The following KDM6B variants were observed in gnomAD, a reference collection of about 807,000 sequenced individuals.
KDM6B encodes lysine-specific demethylase 6B.
In KDM6B, 22 loss-of-function variants were observed where a neutral mutation model predicts 150.4. The ratio of observed to expected loss-of-function variants is 0.15; its 90% CI spans 0.10 to 0.21. The LOEUF is 0.21. KDM6B is among the 10% of genes least tolerant of loss of function. The probability of loss-of-function intolerance (pLI) is 1.00; values close to 1 mark genes in which losing one functional copy is unlikely to be tolerated. For missense variants in KDM6B, 1,984 were observed against 2,234.3 expected, an observed-to-expected ratio of 0.89 and a Z score of 2.26; for synonymous variants, 1,148 against 921.1, an observed-to-expected ratio of 1.25 and a Z score of -4.46.
chr17:7,848,339 A>C lies in KDM6B; in HGVS notation c.2051A>C (p.Glu684Ala). The C allele has an allele frequency of 6.2e-7, 1 of 1,612,646 alleles. No homozygotes were observed. The highest frequency in any genetic ancestry group is 8.5e-7 in the Non-Finnish European group (1 of 1,179,982). ...PPTPLEDQFE[E>A]PAEFKILPDG... Reference sequence around the variant, plus strand: ...ACTCCGCTGGAGGACCAGTTTGAGGAGCCAGCCGAATTCAAGATCCTACCT... The same window carrying C: ...ACTCCGCTGGAGGACCAGTTTGAGGCGCCAGCCGAATTCAAGATCCTACCT... Residue 684 changes from glutamate to alanine, a missense_variant, in exon 12 of 24, where the codon GAG (glutamate) becomes GCG (alanine). Physicochemically the swap from Glu to Ala is moderately radical, Grantham distance 107. Coordinates refer to ENST00000448097, the MANE Select transcript of KDM6B (RefSeq NM_001348716.2).
In KDM6B at chr17:7,845,426, C is replaced by A. The variant is rs878906139; in HGVS notation, c.-36C>A. The A allele has an allele frequency of 1.1e-4, 137 of 1,202,328 alleles. 4 individuals carry two copies. In the South Asian group the frequency reaches 1.5e-3, roughly 13 times the overall value. The allele number at this position is 1,202,328 out of a possible 1,614,324, so 74.5% of individuals were successfully genotyped here. ...GCTGGGGCAGGGGGCCGTGCCCAAT[C>A]TCCAGGGCTCCTGGGGCCACTGCTG... On this transcript the variant is annotated 5_prime_UTR_variant, in exon 4 of 24. Coordinates refer to ENST00000448097, the MANE Select transcript of KDM6B (RefSeq NM_001348716.2).
chr17:7,848,886 C>T lies in KDM6B; in HGVS notation c.2598C>T (p.Ser866=). 1 of 1,608,092 alleles carries T rather than the reference C, an allele frequency of 6.2e-7. No individual in the cohort carries two copies. ...AGGGCTCCCCACAGCCCTCTGCTTC[C>T]TCGTCATCTCAGTTCTCTACCTCAG... ...SAQGSPQPSA[S]SSSQFSTSGG... The change falls in exon 12 of 24, where the codon TCC becomes TCT. Residue 866 remains serine (S), a synonymous_variant. Coordinates refer to ENST00000448097, the MANE Select transcript of KDM6B (RefSeq NM_001348716.2).
In KDM6B at chr17:7,847,704, C is replaced by G; in HGVS notation, c.1416C>G (p.Pro472=). 1.4e-6 allele frequency: 2 copies of G among 1,474,542 alleles called. No individual in the cohort carries two copies. Among genetic ancestry groups the G allele is most frequent in the Non-Finnish European group, 1.8e-6 (2 of 1,097,006 alleles). The allele number at this position is 1,474,542 out of a possible 1,614,324, so 91.3% of individuals were successfully genotyped here. Residue 472 remains proline, a synonymous_variant, in exon 12 of 24, where the codon CCC becomes CCG. Transcript: ENST00000448097. ...PPGPSSPPPP[P]CPRLLRPPPP... The stretch of plus-strand genomic sequence containing the variant: ...GACCTTCCTCACCCCCTCCACCCCC[C>G]TGTCCCCGCCTCTTACGCCCCCCAC...
In KDM6B at chr17:7,848,199, C is replaced by T. The variant is rs570509978; in HGVS notation, c.1911C>T (p.Thr637=). Residue 637 remains threonine (T), a synonymous_variant, in exon 12 of 24, where the codon ACC becomes ACT. Transcript: ENST00000448097. The stretch of plus-strand genomic sequence containing the variant: ...GGCCCAGGGTCTCCTTCCCAAAGAC[C>T]CCCGAGGTGGGGCCGGGGCCACCCC... ...SPRPRVSFPK[T]PEVGPGPPPG... 7 of 1,611,780 alleles carry T rather than the reference C, an allele frequency of 4.3e-6. No individual in the cohort carries two copies. Among genetic ancestry groups the T allele is most frequent in the South Asian group, 1.1e-5 (1 of 91,078 alleles).
Position 7,847,763 on chromosome 17 carries a change from G to A in KDM6B, c.1475G>A (p.Arg492Gln), listed in dbSNP as rs759677374. ...PPAWLKGPAC[R>Q]AAREDGEILE... ...GCCTGGTTGAAGGGTCCGGCCTGCC[G>A]GGCAGCCCGAGAGGATGGAGAGATC... is the stretch of plus-strand genomic sequence containing the variant. The change falls in exon 12 of 24, where the codon CGG (arginine) becomes CAG (glutamine). Residue 492 changes from arginine (R) to glutamine (Q), a missense_variant. Around this residue, in one of 13 missense-constraint regions of KDM6B, gnomAD observed 1,379 missense variants for 1,275.6 expected, o/e 1.08. Coordinates refer to ENST00000448097, the MANE Select transcript of KDM6B (RefSeq NM_001348716.2). 9.2e-6 allele frequency: 14 copies of A among 1,515,200 alleles called. No homozygotes were observed. In the South Asian group the frequency reaches 1.3e-4, roughly 14 times the overall value. The allele number at this position is 1,515,200 out of a possible 1,614,324, so 93.9% of individuals were successfully genotyped here. A position where few individuals can be genotyped will look rare whatever the true frequency, so the allele number is the denominator to read the frequency against.
chr17:7,842,979 A>G (rs2151373103), intron 2 of KDM6B, among the ~76,000 whole-genome samples: 1 of 152,164 alleles, frequency 6.6e-6, no homozygotes, highest in Admixed American at 6.6e-5. Flanking sequence ...TTTGTCTTCA[A>G]GTGAGGGCTT....
At chr17:7,851,849 G>T in intron 18 of KDM6B, 53 bp downstream of exon 18, 1 of 1,565,230 alleles carries the variant, frequency 6.4e-7, no homozygotes, top group Non-Finnish European at 8.7e-7. Context: ...GGAGGGGCTG[G>T]CGGCGGCGCT....
chr17:7,852,108 C>T lies in KDM6B; in HGVS notation c.4281-41C>T, dbSNP rs917789615. 2.5e-6 allele frequency: 4 copies of T among 1,613,734 alleles called. No homozygotes were observed. In the African/African-American group the frequency reaches 4.0e-5, roughly 16 times the overall value. ...CAAGTCAGACTGCCGCGTCCCCGCC[C>T]TCGGTCCCCAGTTCCCACCTGACCT... On this transcript the variant is annotated intron_variant, in intron 19 of 23. Transcript: ENST00000448097.
intron 7 of KDM6B, 29 bp from the exon 8 acceptor site, chr17:7,846,371 G>GGGGGGGGGGCGGGGGGCCCCCCCCCC: frequency 6.7e-7 from 1 of 1,488,926 alleles, no homozygotes; most frequent in Non-Finnish European, 9.2e-7. Context: ...CCTGACATCT[G>GGGGGGGGGGCGGGGGGCCCCCCCCCC]CCCCTGCCCC....
Position 7,843,073 on chromosome 17 carries a change from G to A in KDM6B, c.-268-1828G>A, listed in dbSNP as rs2078450846. Among the ~76,000 whole-genome samples, 1 of 152,196 alleles carries A rather than the reference G, an allele frequency of 6.6e-6. No individual in the cohort carries two copies. Among genetic ancestry groups the A allele is most frequent in the African/African-American group, 2.4e-5 (1 of 41,438 alleles). On this transcript the variant is annotated intron_variant, in intron 2 of 23. Coordinates refer to ENST00000448097, the MANE Select transcript of KDM6B (RefSeq NM_001348716.2). This position sits in a 1 kb window ranked among gnomAD's most constrained non-coding sequence, Gnocchi z 4.5. The stretch of plus-strand genomic sequence containing the variant: ...GAGGGACGGCACTCACTGACTTAGG[G>A]AAAGCTGAGTCAGTTCCCCGTGGGA...
In KDM6B at chr17:7,848,186, C is replaced by T. The variant is rs552086970; in HGVS notation, c.1898C>T (p.Ser633Phe). The T allele has an allele frequency of 3.7e-6, 6 of 1,612,446 alleles. No individual in the cohort carries two copies. Among genetic ancestry groups the T allele is most frequent in the African/African-American group, 2.7e-5 (2 of 75,006 alleles). ...CCGGAGAGCCCCCGGCCCAGGGTCTCCTTCCCAAAGACCCCCGAGGTGGGG... is the reference window on the plus strand; with the variant it reads ...CCGGAGAGCCCCCGGCCCAGGGTCTTCTTCCCAAAGACCCCCGAGGTGGGG... ...RRPESPRPRVSFPKTPEVGPG... is the reference protein window; with the variant it reads ...RRPESPRPRVFFPKTPEVGPG... The change falls in exon 12 of 24, where the codon TCC (serine) becomes TTC (phenylalanine). Residue 633 changes from serine to phenylalanine, a missense_variant. Transcript: ENST00000448097.
At position 7,849,194 on chromosome 17, in the gene KDM6B, C is replaced by T; in HGVS notation, c.2906C>T (p.Ser969Leu). 1 of 1,605,202 alleles carries T rather than the reference C, an allele frequency of 6.2e-7. No homozygotes were observed. The highest frequency in any genetic ancestry group is 1.3e-5 in the African/African-American group (1 of 74,822). ...GAGGCTGGCGGGGTGGCGGCAGTGT[C>T]AGGCAGCTGTAAGCGGCGACAGAAG... ...KEEAGGVAAV[S>L]GSCKRRQKEH... The change falls in exon 12 of 24, where the codon TCA becomes TTA. Residue 969 changes from serine to leucine, a missense_variant. By Grantham distance (145) the Ser-to-Leu change is moderately radical. Coordinates refer to ENST00000448097, the MANE Select transcript of KDM6B (RefSeq NM_001348716.2).
chr17:7,842,867 G>A (rs2078445963), intron 2 of KDM6B, among the ~76,000 whole-genome samples: 1 of 152,120 alleles, frequency 6.6e-6, no homozygotes, highest in East Asian at 1.9e-4. Context: ...CTTTGTACGG[G>A]GGGCGGGGGG....
rs1040511706 is a variant in KDM6B, at chr17:7,854,741, T to C, written c.*1220T>C. 6 of 270,914 alleles carry C rather than the reference T, an allele frequency of 2.2e-5. No homozygotes were observed. In the South Asian group the frequency reaches 2.7e-4, roughly 12 times the overall value. 16.8% of individuals were successfully genotyped at this position (270,914 alleles called of 1,614,324 possible). A position where few individuals can be genotyped will look rare whatever the true frequency, so the allele number is the denominator to read the frequency against. On this transcript the variant is annotated 3_prime_UTR_variant, in exon 24 of 24. Transcript: ENST00000448097. ...AGGGGTCTTCCCAACCCTACCCCTA[T>C]TTTCGGTGATTTTTGTGTGAGAATA...
At position 7,846,909 on chromosome 17, in the gene KDM6B, C is replaced by G; in HGVS notation, c.802C>G (p.Leu268Val). 1 of 1,602,920 alleles carries G rather than the reference C, an allele frequency of 6.2e-7. No individual in the cohort carries two copies. The highest frequency in any genetic ancestry group is 8.5e-7 in the Non-Finnish European group (1 of 1,176,460). ...ACCACCACCACCACCCCTGCCTGGC[C>G]TGGCTACCAGCCCCCCATTTCAGCT... is the stretch of plus-strand genomic sequence containing the variant. ...PPPPPPPLPG[L>V]ATSPPFQLTK... is the part of the protein sequence containing the mutation. The change falls in exon 10 of 24, where the codon CTG becomes GTG. Residue 268 changes from leucine (L) to valine (V), a missense_variant. Coordinates refer to ENST00000448097, the MANE Select transcript of KDM6B (RefSeq NM_001348716.2).
Position 7,846,419 on chromosome 17 carries a change from A to C in KDM6B, c.476A>C (p.His159Pro). ...RLQQAQLWNF[H>P]TGSCQHRAKV... ...CCCCAGGCCCAGCTCTGGAACTTTC[A>C]TACTGGCTCCTGCCAGCACCGAGCC... Residue 159 changes from histidine (H) to proline (P), a missense_variant, in exon 8 of 24, where the codon CAT becomes CCT. Around this residue, in one of 13 missense-constraint regions of KDM6B, gnomAD observed 337 missense variants for 323.9 expected, o/e 1.04. Transcript: ENST00000448097. 1 of 1,590,174 alleles carries C rather than the reference A, an allele frequency of 6.3e-7. No homozygotes were observed. Among genetic ancestry groups the C allele is most frequent in the Non-Finnish European group, 8.5e-7 (1 of 1,174,934 alleles).
At chr17:7,846,377 G>GGGCCCCCCCCCCCCCCC in intron 7 of KDM6B, 23 bp from the exon 8 acceptor site, 4 of 1,479,452 alleles carry the variant, frequency 2.7e-6, no homozygotes, top group Non-Finnish European at 1.8e-6. Flanking sequence ...ATCTGCCCCT[G>GGGCCCCCCCCCCCCCCC]CCCCGTGTCC....
At chr17:7,840,092 C>T (rs547654084) in intron 2 of KDM6B, 68 bp downstream of exon 2, 4 of 152,744 alleles carry the variant, frequency 2.6e-5, no homozygotes, top group Admixed American at 2.0e-4. Flanking sequence ...TGGAGATGCT[C>T]GGTATGATCT....
rs1319203663 is a variant in KDM6B, at chr17:7,849,951, T to C, written c.3567+4T>C. 3 of 1,613,662 alleles carry C rather than the reference T, an allele frequency of 1.9e-6. No homozygotes were observed. The highest frequency in any genetic ancestry group is 2.5e-6 in the Non-Finnish European group (3 of 1,180,030). ...CCCCCCTACACCCAGCATCTATGTA[T>C]GTGTGCCACTTGGCCTCAGAACCAC... On this transcript the variant is annotated splice_donor_region_variant and intron_variant, in intron 13 of 23. Coordinates refer to ENST00000448097, the MANE Select transcript of KDM6B (RefSeq NM_001348716.2).
Sources: allele counts gnomAD v4.1 joint callset (sites outside exome capture counted in the v4.1 genomes callset), GRCh38; gene constraint gnomAD v4.1.1; regional missense constraint gnomAD v4.1.1; non-coding constraint Gnocchi (gnomAD v3.1); transcripts MANE v1.5; gene names NCBI Gene and HGNC (gene_info 2026-07-23, HGNC 2026-07-21).